Variants in UNC80 observed in about 807,000 individuals in gnomAD.
UNC80 encodes unc-80 subunit of NALCN channel complex.
UNC80 carries 164 observed loss-of-function variants against 384.6 expected under a neutral mutation model. The observed-to-expected ratio is 0.43, with a 90% CI of 0.38 to 0.49. The LOEUF is 0.49. UNC80 is among the 20% of genes least tolerant of loss of function. The probability of loss-of-function intolerance (pLI) is 0.00; values close to 1 mark genes in which losing one functional copy is unlikely to be tolerated. For synonymous variants in UNC80, 1,486 were observed against 1,527.8 expected, an observed-to-expected ratio of 0.97 and a Z score of 0.64; for missense variants, 3,330 against 4,143.0, an observed-to-expected ratio of 0.80 and a Z score of 5.39.
chr2:209,868,721 G>A (rs10490026), intron 22 of UNC80, among the ~76,000 whole-genome samples: 26,729 of 152,146 alleles, frequency 0.18, 3,274 homozygotes, highest in African/African-American at 0.34. Context: ...ACTTTTTGTA[G>A]TTTCAACTGG....
intron 21 of UNC80, among the ~76,000 whole-genome samples, chr2:209,845,705 T>C (rs192772515): frequency 6.6e-6 from 1 of 152,308 alleles, no homozygotes; most frequent in Admixed American, 6.5e-5. Flanking sequence ...CAAGAGAATA[T>C]AGCTTGTATA....
Position 209,777,181 on chromosome 2 carries a change from T to A in UNC80, c.299-77T>A, listed in dbSNP as rs1248657411. On this transcript the variant is annotated intron_variant, in intron 3 of 64. Coordinates refer to ENST00000673920, the MANE Select transcript of UNC80 (RefSeq NM_001371986.1). ...AGTATAGAGAAAGGAGGGATATTCT[T>A]CCCAGACCCATTGTTGACATCTATT... 6.9e-6 allele frequency: 10 copies of A among 1,443,482 alleles called. No individual in the cohort carries two copies. The East Asian group carries it at 2.1e-4, about 30-fold the overall frequency. 89.4% of individuals were successfully genotyped at this position (1,443,482 alleles called of 1,614,324 possible).
rs71043955 is a variant in UNC80, at chr2:209,862,649, C to CTTTTTTTTTTT, written c.3628-10100_3628-10090dup. Among the ~76,000 whole-genome samples the CTTTTTTTTTTT allele has an allele frequency of 6.4e-3, 502 of 78,644 alleles. 14 individuals carry two copies. Among genetic ancestry groups the CTTTTTTTTTTT allele is most frequent in the African/African-American group, 0.015 (250 of 16,302 alleles). 51.6% of individuals were successfully genotyped at this position (78,644 alleles called of 152,430 possible). A position where few individuals can be genotyped will look rare whatever the true frequency, so the allele number is the denominator to read the frequency against. On this transcript the variant is annotated intron_variant, in intron 22 of 64. Coordinates refer to ENST00000673920, the MANE Select transcript of UNC80 (RefSeq NM_001371986.1). ...TCAGAGACTAGGATTGCAACCTCTG[C>CTTTTTTTTTTT]TTTTTTTTTTTTTTTTTTTGCTTTC...
intron 47 of UNC80, among the ~76,000 whole-genome samples, chr2:209,952,865 G>A (rs1483922076): frequency 1.3e-5 from 2 of 152,132 alleles, no homozygotes; most frequent in African/African-American, 4.8e-5. Context: ...ACTCAAAAGA[G>A]TATCATAGTT....
chr2:209,831,306 C>A, intron 15 of UNC80, 137 bp from the exon 16 acceptor site: 1 of 865,222 alleles, frequency 1.2e-6, no homozygotes, highest in Non-Finnish European at 1.7e-6. Flanking sequence ...ATTATTAAAC[C>A]TGGGGCATCT....
At chr2:209,979,397 A>G (rs748278374) in intron 59 of UNC80, among the ~76,000 whole-genome samples, 6 of 152,224 alleles carry the variant, frequency 3.9e-5, no homozygotes, top group Non-Finnish European at 7.3e-5. Flanking sequence ...TAGAGGGTTG[A>G]TTGGAACTTA....
chr2:209,904,978 C>T lies in UNC80; in HGVS notation c.4782+13C>T. The T allele has an allele frequency of 6.4e-7, 1 of 1,550,604 alleles. No homozygotes were observed. The highest frequency in any genetic ancestry group is 1.4e-5 in the African/African-American group (1 of 73,114). On this transcript the variant is annotated intron_variant, in intron 29 of 64. Coordinates refer to ENST00000673920, the MANE Select transcript of UNC80 (RefSeq NM_001371986.1). The stretch of plus-strand genomic sequence containing the variant: ...GAAACAGAAAGAAGTAAGTAAATGA[C>T]CATTGAATGATATTCTAATACTAGA...
intron 27 of UNC80, among the ~76,000 whole-genome samples, chr2:209,895,177 G>T (rs1035777876): frequency 6.6e-6 from 1 of 152,118 alleles, no homozygotes; most frequent in Non-Finnish European, 1.5e-5. Flanking sequence ...TAATAGACAA[G>T]CAAAAGATTA....
chr2:209,980,817 C>G (rs938226683), intron 59 of UNC80, among the ~76,000 whole-genome samples: 2 of 152,130 alleles, frequency 1.3e-5, no homozygotes, highest in Non-Finnish European at 2.9e-5. Context: ...CAAACAAATA[C>G]TGGGGACATA....
At chr2:209,827,389 C>T (rs551315577) in intron 14 of UNC80, among the ~76,000 whole-genome samples, 10 of 152,110 alleles carry the variant, frequency 6.6e-5, no homozygotes, top group South Asian at 4.2e-4. Flanking sequence ...AAACTGGCTC[C>T]GATAACCAAG....
chr2:209,900,019 A>G (rs1422714672), intron 28 of UNC80, among the ~76,000 whole-genome samples: 1 of 152,198 alleles, frequency 6.6e-6, no homozygotes, highest in Non-Finnish European at 1.5e-5. Flanking sequence ...TATGCCTAAG[A>G]TGTAGCAAAT....
Position 209,834,124 on chromosome 2 carries a change from G to C in UNC80, c.2898G>C (p.Lys966Asn), listed in dbSNP as rs1486497405. 3.9e-6 allele frequency: 6 copies of C among 1,551,514 alleles called. No homozygotes were observed. The Admixed American group carries it at 9.8e-5, about 25-fold the overall frequency. Residue 966 changes from lysine (K) to asparagine (N), a missense_variant, in exon 17 of 65, where the codon AAG (lysine) becomes AAC (asparagine). Around this residue, in one of 8 missense-constraint regions of UNC80, gnomAD observed 801 missense variants for 950.8 expected, o/e 0.84. Coordinates refer to ENST00000673920, the MANE Select transcript of UNC80 (RefSeq NM_001371986.1). The stretch of plus-strand genomic sequence containing the variant: ...CCGAGAAGTTAGCACCAGGGAAAAA[G>C]GTGGAGGAGAATGAACAGGAATCTA... ...DSAEKLAPGK[K>N]VEENEQESKP... is the part of the protein sequence containing the mutation.
At chr2:209,936,395 G>A (rs1168857347) in intron 40 of UNC80, among the ~76,000 whole-genome samples, 1 of 152,162 alleles carries the variant, frequency 6.6e-6, no homozygotes, top group African/African-American at 2.4e-5. Context: ...TATATAATGT[G>A]CACAGTGCAT....
chr2:209,772,310 C>G (rs1354587861), intron 1 of UNC80, 146 bp downstream of exon 1: 7 of 315,670 alleles, frequency 2.2e-5, no homozygotes, highest in Non-Finnish European at 4.0e-5. Context: ...GCCCTCTGCA[C>G]CAGCTTAAAA....
At chr2:209,875,405 A>G (rs1050334392) in intron 23 of UNC80, among the ~76,000 whole-genome samples, 2 of 152,182 alleles carry the variant, frequency 1.3e-5, no homozygotes, top group Non-Finnish European at 2.9e-5. Context: ...AAGAATATGT[A>G]TTTAAATACT....
chr2:209,802,928 C>A (rs954038335), intron 7 of UNC80, among the ~76,000 whole-genome samples: 1 of 152,184 alleles, frequency 6.6e-6, no homozygotes, highest in South Asian at 2.1e-4. Flanking sequence ...TGGCTGGTGA[C>A]TGGTCTTAGT....
rs1210841665 is a variant in UNC80 at position 209,997,498 on chromosome 2, T to G, written c.*1903T>G. ...TTCCAGTTTCTTCAAATTATCTATG[T>G]ATAATTGTATGAAATATTTAAATAG... On this transcript the variant is annotated 3_prime_UTR_variant, in exon 65 of 65. Transcript: ENST00000673920. The G allele has an allele frequency of 6.6e-6, 1 of 152,214 alleles. No homozygotes were observed. The highest frequency in any genetic ancestry group is 2.4e-5 in the African/African-American group (1 of 41,454). 9.4% of individuals were successfully genotyped at this position (152,214 alleles called of 1,614,324 possible). A position where few individuals can be genotyped will look rare whatever the true frequency, so the allele number is the denominator to read the frequency against.
chr2:209,858,427 G>C (rs1285322423), intron 22 of UNC80, among the ~76,000 whole-genome samples: 1 of 151,982 alleles, frequency 6.6e-6, no homozygotes, highest in Non-Finnish European at 1.5e-5. Context: ...ATGTATTTGG[G>C]CCGAGCATGG....
chr2:209,849,190 G>A (rs1239177667), intron 21 of UNC80, among the ~76,000 whole-genome samples: 2 of 152,070 alleles, frequency 1.3e-5, no homozygotes, highest in South Asian at 2.1e-4. Flanking sequence ...AAGAAGACCT[G>A]CAAGTAAAAT....
Sources: gnomAD v4.1 joint callset for allele counts (sites outside exome capture counted in the v4.1 genomes callset) on GRCh38, gnomAD v4.1.1 for gene constraint, gnomAD v4.1.1 regional missense constraint, MANE v1.5 for transcripts, NCBI Gene and HGNC (gene_info 2026-07-23, HGNC 2026-07-21) for gene names.